The following FAT3 variants were observed in gnomAD, a reference collection of about 807,000 sequenced individuals.
FAT3 encodes FAT atypical cadherin 3, also known as protocadherin Fat 3.
Under a neutral mutation model 310.2 loss-of-function variants are expected in FAT3, and 95 were observed. That is an observed-to-expected ratio of 0.31 (90% CI 0.26 to 0.36). FAT3 has a LOEUF of 0.36. Ranked by LOEUF, FAT3 falls within the 10% of genes least tolerant of loss-of-function variation. The pLI is 1.00. For missense variants in FAT3, 5,408 were observed against 5,715.6 expected (o/e 0.95, Z 1.74); for synonymous variants, 2,314 against 2,192.9 (o/e 1.06, Z -1.54).
intron 2 of FAT3, among the ~76,000 whole-genome samples, chr11:92,422,068 A>G (rs1279251537): frequency 1.3e-5 from 2 of 152,174 alleles, no homozygotes; most frequent in Non-Finnish European, 2.9e-5. Flanking sequence ...GTAATGTATT[A>G]CTGGGCTCTC....
chr11:92,798,530 G>A lies in FAT3; in HGVS notation c.5517G>A (p.Leu1839=). The change falls in exon 10 of 28, where the codon CTG becomes CTA. Residue 1839 remains leucine (L), a synonymous_variant. Coordinates refer to ENST00000525166, the MANE Select transcript of FAT3 (RefSeq NM_001367949.2). ...STGAIRTIAN[L]DHETIAHFHF... ...GTGCAATCAGAACAATTGCCAACCT[G>A]GACCATGAAACCATTGCCCATTTCC... 6.2e-7 allele frequency: 1 copy of A among 1,613,752 alleles called. No homozygotes were observed. Among genetic ancestry groups the A allele is most frequent in the South Asian group, 1.1e-5 (1 of 91,060 alleles).
At chr11:92,337,579 C>T (rs1948122714) in intron 1 of FAT3, among the ~76,000 whole-genome samples, 1 of 152,286 alleles carries the variant, frequency 6.6e-6, no homozygotes, top group Admixed American at 6.5e-5. Context: ...TTACAGCTGC[C>T]TGCCACCACG....
intron 1 of FAT3, among the ~76,000 whole-genome samples, chr11:92,267,261 A>G (rs1945993236): frequency 6.6e-6 from 1 of 152,196 alleles, no homozygotes; most frequent in African/African-American, 2.4e-5. Context: ...TTAAAGATGG[A>G]AATGGTGTTG....
chr11:92,531,942 T>C (rs943057273), intron 3 of FAT3, among the ~76,000 whole-genome samples: 4 of 152,096 alleles, frequency 2.6e-5, no homozygotes, highest in Admixed American at 2.6e-4. Flanking sequence ...CTTGCTTCAG[T>C]TGTGACAACC....
chr11:92,774,038 CAG>C lies in FAT3; in HGVS notation c.4196-2_4196-1del, dbSNP rs1565583466. 7 of 1,612,276 alleles carry C rather than the reference CAG, an allele frequency of 4.3e-6. No homozygotes were observed. The highest frequency in any genetic ancestry group is 1.3e-5 in the African/African-American group (1 of 74,826). The stretch of plus-strand genomic sequence containing the variant: ...TAATTTCATGTTTCTGTGAAATCAT[CAG>C]GGGGGAATTTTGACAGCGCTTTTGA... On this transcript the variant is annotated splice_acceptor_variant, in intron 6 of 27. Coordinates refer to ENST00000525166, the MANE Select transcript of FAT3 (RefSeq NM_001367949.2). LOFTEE classifies it high-confidence loss of function.
intron 3 of FAT3, among the ~76,000 whole-genome samples, chr11:92,572,843 A>G (rs1938253549): frequency 6.6e-6 from 1 of 152,194 alleles, no homozygotes; most frequent in Non-Finnish European, 1.5e-5. Context: ...GTGACTGAAA[A>G]CATGCAGTAG....
At chr11:92,366,971 C>T (rs1949038636) in intron 2 of FAT3, 2 of 525,864 alleles carry the variant, frequency 3.8e-6, no homozygotes, top group East Asian at 5.2e-5. Context: ...TCTGGTCAGA[C>T]ACCCATAGTG....
intron 1 of FAT3, among the ~76,000 whole-genome samples, chr11:92,328,930 A>G (rs1386938531): frequency 1.3e-5 from 2 of 152,200 alleles, no homozygotes; most frequent in African/African-American, 2.4e-5. Flanking sequence ...GCACTAGGCC[A>G]CCATCGACTT....
At chr11:92,765,191 T>G (rs1272273233) in intron 6 of FAT3, 102 bp downstream of exon 6, 1 of 1,011,292 alleles carries the variant, frequency 9.9e-7, no homozygotes, top group African/African-American at 1.6e-5. Flanking sequence ...TAACAATTAG[T>G]GCCAAGATTA....
At chr11:92,489,674 A>G (rs927381271) in intron 2 of FAT3, among the ~76,000 whole-genome samples, 2 of 152,088 alleles carry the variant, frequency 1.3e-5, no homozygotes, top group East Asian at 1.9e-4. Context: ...CACCTACCAG[A>G]TGCTAATAGG....
At chr11:92,705,783 G>A (rs1348602720) in intron 4 of FAT3, among the ~76,000 whole-genome samples, 7 of 74,782 alleles carry the variant, frequency 9.4e-5, no homozygotes, top group Admixed American at 7.2e-4. Flanking sequence ...GGTGGTGATG[G>A]TGGTGGTGTG....
chr11:92,706,938 T>C (rs1222753862), intron 4 of FAT3, among the ~76,000 whole-genome samples: 1 of 152,134 alleles, frequency 6.6e-6, no homozygotes, highest in African/African-American at 2.4e-5. Context: ...AACGGAAGGG[T>C]GCTGTGGATC....
In FAT3 at chr11:92,322,374, G is replaced by T. The variant is rs917265264; in HGVS notation, c.-17-29722G>T. Among the ~76,000 whole-genome samples the T allele has an allele frequency of 1.2e-4, 19 of 152,270 alleles. 1 individual carries two copies. Among genetic ancestry groups the T allele is most frequent in the Admixed American group, 8.5e-4 (13 of 15,300 alleles). On this transcript the variant is annotated intron_variant, in intron 1 of 27. Transcript: ENST00000525166. ...GTGAGTCACAATGTTTTTGCTGGTG[G>T]AAGGTCTTGCCTCGATGTTGATGGC...
In FAT3 at chr11:92,519,055, A is replaced by G. The variant is rs186321771; in HGVS notation, c.3293-5579A>G. 1.7e-3 allele frequency among the ~76,000 whole-genome samples: 257 copies of G among 152,260 alleles called. 1 individual carries two copies. Among genetic ancestry groups the G allele is most frequent in the African/African-American group, 5.9e-3 (247 of 41,560 alleles). The stretch of plus-strand genomic sequence containing the variant: ...TCTTATGGATTTTAAAGATGATTCT[A>G]TAATTTATATAGAAATGCAAATCAC... On this transcript the variant is annotated intron_variant, in intron 2 of 27. Transcript: ENST00000525166.
At chr11:92,261,117 C>G (rs1282470886) in intron 1 of FAT3, among the ~76,000 whole-genome samples, 1 of 152,006 alleles carries the variant, frequency 6.6e-6, no homozygotes, top group African/African-American at 2.4e-5. Context: ...CCCCATAAAT[C>G]ATCCTAGATC....
chr11:92,412,040 T>A (rs116792490), intron 2 of FAT3, among the ~76,000 whole-genome samples: 3,067 of 152,242 alleles, frequency 0.02, 116 homozygotes, highest in African/African-American at 0.069. Flanking sequence ...CTAAACCTGG[T>A]GCTGTGTTGA....
chr11:92,758,913 A>G (rs1045812833), intron 4 of FAT3, among the ~76,000 whole-genome samples: 3 of 152,110 alleles, frequency 2.0e-5, no homozygotes, highest in Non-Finnish European at 2.9e-5. Flanking sequence ...TATTAAGACA[A>G]TGGACATAGG....
chr11:92,542,053 A>C (rs548461960), intron 3 of FAT3, among the ~76,000 whole-genome samples: 3 of 152,126 alleles, frequency 2.0e-5, no homozygotes, highest in African/African-American at 7.2e-5. Context: ...ACCAACTAAA[A>C]TTTCAACGAA....
At position 92,896,432 on chromosome 11, in the gene FAT3, G is replaced by C. The variant is rs1444591781; in HGVS notation, c.*5319G>C. 1 of 151,330 alleles carries C rather than the reference G, an allele frequency of 6.6e-6. No individual in the cohort carries two copies. The highest frequency in any genetic ancestry group is 1.9e-4 in the East Asian group (1 of 5,190). 9.4% of individuals were successfully genotyped at this position (151,330 alleles called of 1,614,324 possible). ...AGGTTTGTAACTGCCAAAATTTGAT[G>C]GTTAAAACAAGTTTTCAAGTAAAAA... On this transcript the variant is annotated 3_prime_UTR_variant, in exon 28 of 28. Coordinates refer to ENST00000525166, the MANE Select transcript of FAT3 (RefSeq NM_001367949.2).
Sources: allele counts gnomAD v4.1 joint callset (sites outside exome capture counted in the v4.1 genomes callset), GRCh38; gene constraint gnomAD v4.1.1; transcripts MANE v1.5; gene names NCBI Gene and HGNC (gene_info 2026-07-23, HGNC 2026-07-21).